The following IQGAP2 variants were observed in gnomAD, a reference collection of about 807,000 sequenced individuals.
IQGAP2 encodes the protein ras GTPase-activating-like protein IQGAP2.
IQGAP2 carries 173 observed loss-of-function variants against 201.3 expected under a neutral mutation model. The observed-to-expected ratio is 0.86, with a 90% CI of 0.76 to 0.98. The LOEUF is 0.98. IQGAP2 is among the 50% of genes least tolerant of loss of function. IQGAP2 has a pLI of 0.00. For synonymous variants in IQGAP2, 675 were observed against 673.9 expected (o/e 1.00, Z -0.03); for missense variants, 1,687 against 1,864.8 (o/e 0.90, Z 1.76).
At chr5:76,438,821 T>G (rs918159623) in intron 1 of IQGAP2, among the ~76,000 whole-genome samples, 1 of 152,220 alleles carries the variant, frequency 6.6e-6, no homozygotes, top group Non-Finnish European at 1.5e-5. Context: ...ATTTATCAAT[T>G]TTGCTTATCT....
At chr5:76,643,121 T>C (rs1277752149) in intron 17 of IQGAP2, among the ~76,000 whole-genome samples, 1 of 152,242 alleles carries the variant, frequency 6.6e-6, no homozygotes, top group East Asian at 1.9e-4. Context: ...AGAGTTACTC[T>C]TCCAGAAGAC....
intron 2 of IQGAP2, among the ~76,000 whole-genome samples, chr5:76,550,619 G>A (rs1438191222): frequency 2.0e-5 from 3 of 152,106 alleles, no homozygotes; most frequent in Non-Finnish European, 2.9e-5. Context: ...CCCTTAATCC[G>A]TTTAACTCTG....
At chr5:76,541,035 A>G (rs562658744) in intron 2 of IQGAP2, among the ~76,000 whole-genome samples, 3 of 152,336 alleles carry the variant, frequency 2.0e-5, no homozygotes, top group East Asian at 3.9e-4. Context: ...AAATATATAT[A>G]ATGTAAAATT....
At chr5:76,695,332 C>T in intron 31 of IQGAP2, 122 bp from the exon 32 acceptor site, 1 of 738,694 alleles carries the variant, frequency 1.4e-6, no homozygotes, top group Non-Finnish European at 2.3e-6. Flanking sequence ...TGTTCTGGTT[C>T]TAGTCTCTGA....
intron 17 of IQGAP2, 120 bp downstream of exon 17, chr5:76,641,223 A>C: frequency 1.4e-6 from 1 of 735,716 alleles, no homozygotes; most frequent in Non-Finnish European, 2.1e-6. Flanking sequence ...GCATATTTTT[A>C]CATAATCAGT....
chr5:76,650,173 G>T (rs1752405509), intron 17 of IQGAP2, among the ~76,000 whole-genome samples: 2 of 152,244 alleles, frequency 1.3e-5, no homozygotes, highest in Non-Finnish European at 2.9e-5. Flanking sequence ...TTCAACATGA[G>T]ATTTGGGTGG....
At chr5:76,607,139 TCA>T (rs1431810482) in intron 12 of IQGAP2, 1 of 152,230 alleles carries the variant, frequency 6.6e-6, no homozygotes, top group Non-Finnish European at 1.5e-5. Context: ...GATACTTCTC[TCA>T]CAGTTTATTA....
chr5:76,593,366 C>T (rs1470706099), intron 9 of IQGAP2, among the ~76,000 whole-genome samples: 1 of 152,140 alleles, frequency 6.6e-6, no homozygotes, highest in African/African-American at 2.4e-5. Context: ...TAAGATTTTT[C>T]TTACACTTGT....
intron 2 of IQGAP2, among the ~76,000 whole-genome samples, chr5:76,486,289 G>A (rs1197181186): frequency 6.6e-6 from 1 of 152,128 alleles, no homozygotes; most frequent in African/African-American, 2.4e-5. Context: ...ATCTCATTTG[G>A]TTGCAGCATG....
rs370857227 is a variant in IQGAP2, at chr5:76,683,265, G to C, written c.3763+48G>C. 7 of 1,363,412 alleles carry C rather than the reference G, an allele frequency of 5.1e-6. 2 individuals carry two copies. In the Middle Eastern group the frequency reaches 5.5e-4, roughly 106 times the overall value. The allele number at this position is 1,363,412 out of a possible 1,614,324, so 84.5% of individuals were successfully genotyped here. ...TATCCCTTGGTTTTTGTTTAATTGGGTGGGTTGGTTGGTTGGTTCGTTGGT... is the reference window on the plus strand; with the variant it reads ...TATCCCTTGGTTTTTGTTTAATTGGCTGGGTTGGTTGGTTGGTTCGTTGGT... On this transcript the variant is annotated intron_variant, in intron 29 of 35. Transcript: ENST00000274364.
At chr5:76,691,516 G>A (rs1347212208) in intron 30 of IQGAP2, 1 of 152,178 alleles carries the variant, frequency 6.6e-6, no homozygotes, top group Non-Finnish European at 1.5e-5. Flanking sequence ...CTGGAGGAAG[G>A]TGGTGTGTAG....
At chr5:76,700,425 C>T (rs988564362) in intron 33 of IQGAP2, among the ~76,000 whole-genome samples, 1 of 152,072 alleles carries the variant, frequency 6.6e-6, no homozygotes, top group Non-Finnish European at 1.5e-5. Context: ...TCACTTGAAC[C>T]CGGGAGGCAG....
intron 11 of IQGAP2, among the ~76,000 whole-genome samples, chr5:76,603,751 TA>T: frequency 6.6e-6 from 1 of 152,314 alleles, no homozygotes; most frequent in Non-Finnish European, 1.5e-5. Context: ...TCTGCTGAAC[TA>T]AATTGGATTA....
chr5:76,489,845 C>A (rs1196032709), intron 2 of IQGAP2, among the ~76,000 whole-genome samples: 1 of 152,206 alleles, frequency 6.6e-6, no homozygotes, highest in African/African-American at 2.4e-5. Flanking sequence ...TTGTTTCTGA[C>A]TCCTGTTTCT....
intron 1 of IQGAP2, among the ~76,000 whole-genome samples, chr5:76,407,222 T>C (rs10462539): frequency 0.45 from 68,579 of 151,794 alleles, 15,968 homozygotes; most frequent in Admixed American, 0.51. Flanking sequence ...CCTCCTCAGC[T>C]TCCCAAAGTG....
At position 76,592,833 on chromosome 5, in the gene IQGAP2, T is replaced by C. The variant is rs370081221; in HGVS notation, c.820-5T>C. On this transcript the variant is annotated splice_region_variant and splice_polypyrimidine_tract_variant and intron_variant, in intron 8 of 35. Transcript: ENST00000274364. ...TCAGAAATCAGTGAAGACTTTGTTT[T>C]GCAGAATAGCTGTATTTCAGAAGAA... 3.7e-5 allele frequency: 58 copies of C among 1,585,608 alleles called. No homozygotes were observed. The highest frequency in any genetic ancestry group is 1.0e-4 in the Admixed American group (6 of 59,396).
intron 2 of IQGAP2, among the ~76,000 whole-genome samples, chr5:76,485,705 G>A (rs1224014590): frequency 6.6e-6 from 1 of 152,134 alleles, no homozygotes; most frequent in African/African-American, 2.4e-5. Context: ...TTTGGACTTG[G>A]ACAGATCCTG....
At chr5:76,620,634 TTGTA>T (rs1657601838) in intron 13 of IQGAP2, among the ~76,000 whole-genome samples, 1 of 152,188 alleles carries the variant, frequency 6.6e-6, no homozygotes, top group South Asian at 2.1e-4. Flanking sequence ...GCATGATTTA[TTGTA>T]GTCTGCATGG....
intron 2 of IQGAP2, among the ~76,000 whole-genome samples, chr5:76,494,666 T>G (rs1010267623): frequency 1.6e-4 from 24 of 152,000 alleles, no homozygotes; most frequent in African/African-American, 5.8e-4. Context: ...TTGTTGTTGT[T>G]GTTTTTTGTT....
Sources: gnomAD v4.1 joint callset for allele counts (sites outside exome capture counted in the v4.1 genomes callset) on GRCh38, gnomAD v4.1.1 for gene constraint, MANE v1.5 for transcripts, NCBI Gene and HGNC (gene_info 2026-07-23, HGNC 2026-07-21) for gene names.